The following ZC3H12B variants were observed in gnomAD, a reference collection of about 807,000 sequenced individuals.
The protein encoded by ZC3H12B is probable ribonuclease ZC3H12B.
In ZC3H12B, 7 loss-of-function variants were observed where a neutral mutation model predicts 43.9. The ratio of observed to expected loss-of-function variants is 0.16; its 90% CI spans 0.09 to 0.30. The LOEUF is 0.30. Among genes scored for constraint, ZC3H12B ranks in the 10% least tolerant of loss-of-function variants. ZC3H12B has a pLI of 1.00. For synonymous variants in ZC3H12B, 222 were observed against 241.7 expected, an observed-to-expected ratio of 0.92 and a Z score of 0.76; for missense variants, 475 against 670.2, an observed-to-expected ratio of 0.71 and a Z score of 3.22.
chrX:65,385,521 G>T (rs753605457), intron 2 of ZC3H12B, among the ~76,000 whole-genome samples: 1 of 112,370 alleles, frequency 8.9e-6, no homozygotes, highest in East Asian at 2.8e-4. Flanking sequence ...GTTTGCTGAA[G>T]TTGCATATCA....
intron 3 of ZC3H12B, among the ~76,000 whole-genome samples, chrX:65,461,873 T>A (rs942468919): frequency 3.7e-4 from 40 of 109,313 alleles, no homozygotes; most frequent in African/African-American, 1.1e-3. Flanking sequence ...TAAAAAAAAA[T>A]TTATACTCAA....
chrX:65,170,205 A>T, the ZC3H12B span, among the ~76,000 whole-genome samples: 1 of 111,363 alleles, frequency 9.0e-6, no homozygotes, highest in African/African-American at 3.3e-5. Flanking sequence ...TGCTTTTTTC[A>T]TGAGCTCTTG....
At chrX:65,205,515 A>G in the ZC3H12B span, among the ~76,000 whole-genome samples, 1 of 111,811 alleles carries the variant, frequency 8.9e-6, no homozygotes, top group Non-Finnish European at 1.9e-5. Flanking sequence ...ATCAGCATAG[A>G]ATAGACATAC....
the ZC3H12B span, among the ~76,000 whole-genome samples, chrX:65,294,233 G>T: frequency 1.8e-5 from 2 of 111,471 alleles, no homozygotes; most frequent in African/African-American, 3.3e-5. Context: ...TATCAGCCAA[G>T]AATTTTGTAT....
chrX:65,366,914 A>AGCTACTATTCAGTGATGAATTTT (rs2066181643), intron 1 of ZC3H12B, among the ~76,000 whole-genome samples, 148 bp downstream of exon 3: 1 of 112,719 alleles, frequency 8.9e-6, no homozygotes, highest in African/African-American at 3.2e-5. Context: ...AGTGATGAGT[A>AGCTACTATTCAGTGATGAATTTT]CATAATGAAA....
At chrX:65,197,292 G>A in the ZC3H12B span, among the ~76,000 whole-genome samples, 2 of 112,166 alleles carry the variant, frequency 1.8e-5, no homozygotes, top group African/African-American at 3.2e-5. Context: ...CCGCCGCCCA[G>A]GGACCCGCCT....
At chrX:65,331,022 C>T in the ZC3H12B span, 1 of 334,412 alleles carries the variant, frequency 3.0e-6, no homozygotes, top group Non-Finnish European at 5.9e-6. Context: ...CGTTCTGTTT[C>T]TGCATATTGG....
At chrX:65,172,079 T>A in the ZC3H12B span, among the ~76,000 whole-genome samples, 1 of 112,489 alleles carries the variant, frequency 8.9e-6, no homozygotes, top group Non-Finnish European at 1.9e-5. Context: ...CAGTTGGAAA[T>A]GCAGAAATCA....
At chrX:65,104,710 A>G in the ZC3H12B span, among the ~76,000 whole-genome samples, 2 of 112,020 alleles carry the variant, frequency 1.8e-5, no homozygotes, top group Non-Finnish European at 3.8e-5. Flanking sequence ...AGGAGATACC[A>G]TCTCACACCA....
At chrX:65,104,325 G>A in the ZC3H12B span, among the ~76,000 whole-genome samples, 1 of 111,805 alleles carries the variant, frequency 8.9e-6, no homozygotes. Flanking sequence ...AGAAAATCTA[G>A]GCAATACCAT....
At chrX:65,219,193 T>G in the ZC3H12B span, among the ~76,000 whole-genome samples, 1 of 111,722 alleles carries the variant, frequency 9.0e-6, no homozygotes, top group African/African-American at 3.3e-5. Flanking sequence ...GCCCCAGATC[T>G]TCCCTCTGAC....
the ZC3H12B span, among the ~76,000 whole-genome samples, chrX:65,072,228 C>T: frequency 1.8e-5 from 2 of 112,140 alleles, no homozygotes; most frequent in South Asian, 3.7e-4. Context: ...CTTTCTTCCT[C>T]TTGGTCCATT....
At chrX:65,276,772 C>T in the ZC3H12B span, among the ~76,000 whole-genome samples, 1 of 111,570 alleles carries the variant, frequency 9.0e-6, no homozygotes, top group South Asian at 3.7e-4. Flanking sequence ...AGGAATCAAA[C>T]CTTATCACTA....
chrX:65,217,604 C>T, the ZC3H12B span, among the ~76,000 whole-genome samples: 1 of 111,927 alleles, frequency 8.9e-6, no homozygotes, highest in Non-Finnish European at 1.9e-5. Flanking sequence ...ATAAATTTAA[C>T]AAAGATATTA....
At chrX:65,066,575 C>T in the ZC3H12B span, among the ~76,000 whole-genome samples, 15,842 of 111,203 alleles carry the variant, frequency 0.14, 2,731 homozygotes, top group African/African-American at 0.49. Context: ...AGGCGTCTGT[C>T]GACCCCTGCT....
At chrX:65,257,810 C>G in the ZC3H12B span, among the ~76,000 whole-genome samples, 4 of 110,508 alleles carry the variant, frequency 3.6e-5, no homozygotes, top group Non-Finnish European at 7.6e-5. Flanking sequence ...TGGAAACATA[C>G]AACCACCGAA....
At chrX:65,489,049 C>T in exon 1 of ZC3H12B, 2 of 1,211,961 alleles carry the variant, frequency 1.7e-6, no homozygotes. Context: ...CTCTGTCGAT[C>T]ACCCTGCCTA....
chrX:65,335,023 C>T, the ZC3H12B span, among the ~76,000 whole-genome samples: 2 of 111,497 alleles, frequency 1.8e-5, no homozygotes, highest in Admixed American at 9.6e-5. Context: ...GGAGTATTCC[C>T]TCATAACTGC....
chrX:65,451,835 T>A (rs758668829), intron 3 of ZC3H12B, among the ~76,000 whole-genome samples: 2 of 112,074 alleles, frequency 1.8e-5, no homozygotes, highest in Non-Finnish European at 3.8e-5. Flanking sequence ...AGTTTCTTTT[T>A]CAGGAGCTTA....
Sources: gnomAD v4.1 joint callset for allele counts (sites outside exome capture counted in the v4.1 genomes callset) on GRCh38, gnomAD v4.1.1 for gene constraint, MANE v1.5 for transcripts, NCBI Gene and HGNC (gene_info 2026-07-23, HGNC 2026-07-21) for gene names.